The following RCC2 variants were observed in gnomAD, a reference collection of about 807,000 sequenced individuals.
The protein encoded by RCC2 is regulator of chromosome condensation 2, also known as protein RCC2.
A neutral mutation model predicts 64.1 loss-of-function variants in RCC2; 19 were observed. That is an observed-to-expected ratio of 0.30 (90% confidence interval 0.21 to 0.44). The LOEUF (loss-of-function observed/expected upper bound fraction) is 0.44. Ranked by LOEUF, RCC2 falls within the 20% of genes least tolerant of loss-of-function variation. The probability of loss-of-function intolerance (pLI) is 1.00; values close to 1 mark genes in which losing one functional copy is unlikely to be tolerated. For missense variants in RCC2, 508 were observed against 710.4 expected (o/e 0.72, Z 3.24); for synonymous variants, 325 against 279.6 (o/e 1.16, Z -1.62).
chr1:17,420,676 G>A (rs1164861204), intron 7 of RCC2, 38 bp downstream of exon 7: 1 of 1,328,842 alleles, frequency 7.5e-7, no homozygotes, highest in Non-Finnish European at 1.1e-6. Flanking sequence ...AATATATACA[G>A]TTAGATTACA....
intron 6 of RCC2, among the ~76,000 whole-genome samples, chr1:17,421,657 AAC>A (rs1325911916): frequency 1.3e-5 from 2 of 152,240 alleles, no homozygotes; most frequent in Non-Finnish European, 2.9e-5. Context: ...AGGCATTTCT[AAC>A]AGATTTCTCC....
chr1:17,425,777 T>C, intron 3 of RCC2, 93 bp from the exon 4 acceptor site: 1 of 1,267,884 alleles, frequency 7.9e-7, no homozygotes, highest in Non-Finnish European at 1.1e-6. Flanking sequence ...TTCCCGAGGG[T>C]ACCAGGGACA....
chr1:17,431,358 AAATATAT>A (rs1365953710), intron 2 of RCC2, among the ~76,000 whole-genome samples: 4 of 91,912 alleles, frequency 4.4e-5, no homozygotes, highest in African/African-American at 9.6e-5. Context: ...AAAAAAAAAA[AAATATAT>A]ATATATATAT....
At chr1:17,430,074 G>A (rs78776575) in intron 2 of RCC2, among the ~76,000 whole-genome samples, 5,402 of 152,342 alleles carry the variant, frequency 0.035, 132 homozygotes, top group Non-Finnish European at 0.05. Flanking sequence ...TAGGTTGTTA[G>A]TGGAAGACTC....
intron 2 of RCC2, 102 bp from the exon 3 acceptor site, chr1:17,429,301 T>C (rs2075649984): frequency 2.2e-6 from 2 of 891,824 alleles, no homozygotes; most frequent in South Asian, 2.8e-5. Context: ...ATCATTCAGT[T>C]AGCCCTTATG....
At chr1:17,430,566 T>A (rs1230481609) in intron 2 of RCC2, among the ~76,000 whole-genome samples, 1 of 151,126 alleles carries the variant, frequency 6.6e-6, no homozygotes. Context: ...GGCGGGTGAA[T>A]CACGAGGTCA....
Position 17,421,499 on chromosome 1 carries a change from C to CA in RCC2, c.745-672dup, listed in dbSNP as rs535318541. Among the ~76,000 whole-genome samples the CA allele has an allele frequency of 2.1e-3, 304 of 141,510 alleles. 2 individuals are homozygous for CA. Among genetic ancestry groups the CA allele is most frequent in the South Asian group, 8.2e-3 (36 of 4,408 alleles). 92.8% of individuals were successfully genotyped at this position (141,510 alleles called of 152,430 possible). ...ACAGAGCGAGACTCTGTCTCCCCTCCAAAAAAAAAAGACTGCCTATCTCGT... is the reference window on the plus strand; with the variant it reads ...ACAGAGCGAGACTCTGTCTCCCCTCCAAAAAAAAAAAGACTGCCTATCTCGT... On this transcript the variant is annotated intron_variant, in intron 6 of 12. Coordinates refer to ENST00000375436, the MANE Select transcript of RCC2 (RefSeq NM_018715.4).
intron 2 of RCC2, among the ~76,000 whole-genome samples, chr1:17,433,531 G>A (rs1338848212): frequency 1.3e-5 from 2 of 152,132 alleles, no homozygotes; most frequent in African/African-American, 4.8e-5. Context: ...TTTTTTGGAC[G>A]AACTCAGTGT....
At chr1:17,430,659 C>A (rs774163014) in intron 2 of RCC2, among the ~76,000 whole-genome samples, 10 of 152,060 alleles carry the variant, frequency 6.6e-5, no homozygotes, top group Admixed American at 1.3e-4. Flanking sequence ...GTGGTGGCAT[C>A]CGCCTGTCGT....
At chr1:17,418,826 C>A (rs572821999) in intron 7 of RCC2, among the ~76,000 whole-genome samples, 35 of 152,328 alleles carry the variant, frequency 2.3e-4, no homozygotes, top group Non-Finnish European at 4.8e-4. Context: ...AAGGTTTCAG[C>A]AAGGCAGTCA....
intron 7 of RCC2, among the ~76,000 whole-genome samples, chr1:17,417,736 G>A (rs527666114): frequency 5.9e-5 from 9 of 151,928 alleles, no homozygotes; most frequent in Admixed American, 5.2e-4. Context: ...ACTAGCCCCC[G>A]GCTTGTGGCT....
chr1:17,432,915 G>A (rs2075697495), intron 2 of RCC2, among the ~76,000 whole-genome samples: 1 of 151,988 alleles, frequency 6.6e-6, no homozygotes, highest in African/African-American at 2.4e-5. Context: ...CCGAGATCGC[G>A]CCACTGCACT....
Position 17,409,096 on chromosome 1 carries a change from G to C in RCC2, c.1563C>G (p.Thr521=), listed in dbSNP as rs369429879. 1.3e-5 allele frequency: 21 copies of C among 1,610,536 alleles called. No homozygotes were observed. Among genetic ancestry groups the C allele is most frequent in the Non-Finnish European group, 1.7e-5 (20 of 1,176,854 alleles). ...GGAGGAGTCTCCGGGAGCATCAGAG[G>C]GTTCGGGGGTTGTATTCTGGCAGTT... is the stretch of plus-strand genomic sequence containing the variant. ...IKKLPEYNPR[T]L Residue 521 remains threonine (T), a synonymous_variant, in exon 13 of 13, where the codon ACC becomes ACG. Transcript: ENST00000375436.
intron 2 of RCC2, among the ~76,000 whole-genome samples, chr1:17,437,689 G>A (rs531524225): frequency 4.1e-3 from 5 of 1,224 alleles, no homozygotes; most frequent in Admixed American, 9.4e-3. Flanking sequence ...CGCGGCGGCC[G>A]TCAGGCCCCG....
At chr1:17,434,354 T>C (rs192184815) in intron 2 of RCC2, among the ~76,000 whole-genome samples, 18 of 152,326 alleles carry the variant, frequency 1.2e-4, no homozygotes, top group African/African-American at 3.6e-4. Flanking sequence ...GCCTACATAA[T>C]GAAGCCTCCG....
At chr1:17,412,235 A>C in intron 10 of RCC2, 41 bp from the exon 11 acceptor site, 1 of 1,592,252 alleles carries the variant, frequency 6.3e-7, no homozygotes, top group South Asian at 1.1e-5. Context: ...CAGCAGCCCC[A>C]GACCTGCACC....
chr1:17,433,061 CATATAT>C (rs1570208329), intron 2 of RCC2, among the ~76,000 whole-genome samples: 1 of 152,174 alleles, frequency 6.6e-6, no homozygotes, highest in South Asian at 2.1e-4. Flanking sequence ...TATACATATA[CATATAT>C]ACGTGTGTAT....
intron 2 of RCC2, among the ~76,000 whole-genome samples, chr1:17,431,259 A>G (rs1396219351): frequency 5.0e-5 from 7 of 139,194 alleles, no homozygotes; most frequent in African/African-American, 1.9e-4. Context: ...GTGTGAACCC[A>G]GGAGGCGGAG....
At chr1:17,437,574 C>T (rs2100402026) in intron 2 of RCC2, among the ~76,000 whole-genome samples, 1 of 152,226 alleles carries the variant, frequency 6.6e-6, no homozygotes, top group African/African-American at 2.4e-5. Flanking sequence ...ACAACAGAGC[C>T]CTCGCGAGCA....
Sources: gnomAD v4.1 joint callset for allele counts (sites outside exome capture counted in the v4.1 genomes callset) on GRCh38, gnomAD v4.1.1 for gene constraint, MANE v1.5 for transcripts, NCBI Gene and HGNC (gene_info 2026-07-23, HGNC 2026-07-21) for gene names.